The following PNPT1 variants were observed in gnomAD, a reference collection of about 807,000 sequenced individuals.
PNPT1 encodes the protein polyribonucleotide nucleotidyltransferase 1, also known as polyribonucleotide nucleotidyltransferase 1, mitochondrial.
PNPT1 carries 53 observed loss-of-function variants against 119.5 expected under a neutral mutation model. The ratio of observed to expected loss-of-function variants is 0.44; its 90% CI spans 0.36 to 0.56. PNPT1 has a LOEUF of 0.56. Among genes scored for constraint, PNPT1 ranks in the 20% least tolerant of loss-of-function variants. The pLI is 0.00. For synonymous variants in PNPT1, 357 were observed against 322.1 expected (o/e 1.11, Z -1.16); for missense variants, 948 against 938.5 (o/e 1.01, Z -0.13).
intron 14 of PNPT1, 58 bp from the exon 15 acceptor site, chr2:55,660,251 A>C (rs1306658910): frequency 6.7e-7 from 1 of 1,492,712 alleles, no homozygotes; most frequent in Admixed American, 2.2e-5. Context: ...ATTTATTTCA[A>C]AACACAACTA....
At chr2:55,643,053 G>A (rs891147890) in intron 25 of PNPT1, 105 bp downstream of exon 25, 22 of 1,205,500 alleles carry the variant, frequency 1.8e-5, no homozygotes, top group Middle Eastern at 1.9e-4. Flanking sequence ...GTTCAAGGCA[G>A]CTGTGAGGTA....
intron 15 of PNPT1, 28 bp from the exon 16 acceptor site, chr2:55,656,399 A>G: frequency 1.9e-6 from 3 of 1,543,636 alleles, no homozygotes; most frequent in Admixed American, 2.0e-5. Flanking sequence ...ACAAACACAC[A>G]TATACAATTG....
At chr2:55,661,292 C>A in intron 14 of PNPT1, among the ~76,000 whole-genome samples, 1 of 151,710 alleles carries the variant, frequency 6.6e-6, no homozygotes, top group East Asian at 1.9e-4. Flanking sequence ...GGAATTTCAC[C>A]GTTTTAGCCA....
intron 1 of PNPT1, among the ~76,000 whole-genome samples, chr2:55,690,388 C>T (rs1265594943): frequency 1.3e-5 from 2 of 152,188 alleles, no homozygotes; most frequent in African/African-American, 2.4e-5. Context: ...AACTCAGTTT[C>T]GGCAACATTC....
At position 55,644,690 on chromosome 2, in the gene PNPT1, G is replaced by T. The variant is rs759181116; in HGVS notation, c.1853C>A (p.Ala618Glu). ...ATAGCCACCAGGTCCAACAAATTTT[G>T]CTCGTTTTGATAATGGAACCTGAAC... ...ETVQVPLSKR[A>E]KFVGPGGYNL... The change falls in exon 23 of 28, where the codon GCA becomes GAA. Residue 618 changes from alanine to glutamate, a missense_variant. Ala to Glu is a moderately radical substitution (Grantham distance 107). Coordinates refer to ENST00000447944, the MANE Select transcript of PNPT1 (RefSeq NM_033109.5). The T allele has an allele frequency of 6.2e-7, 1 of 1,612,124 alleles. No individual in the cohort carries two copies. Among genetic ancestry groups the T allele is most frequent in the South Asian group, 1.1e-5 (1 of 90,990 alleles).
At chr2:55,676,351 G>C (rs1043069888) in intron 8 of PNPT1, among the ~76,000 whole-genome samples, 3 of 150,390 alleles carry the variant, frequency 2.0e-5, no homozygotes, top group Non-Finnish European at 4.4e-5. Flanking sequence ...ATTAGCTGAA[G>C]CTATAAATTC....
intron 8 of PNPT1, among the ~76,000 whole-genome samples, chr2:55,674,417 G>A (rs1264291124): frequency 6.6e-6 from 1 of 151,978 alleles, no homozygotes; most frequent in Non-Finnish European, 1.5e-5. Context: ...ACATAGCGAG[G>A]TCCTGTCTCT....
In PNPT1 at chr2:55,656,026, G is replaced by C. The variant is rs1480685147; in HGVS notation, c.1441+105C>G. On this transcript the variant is annotated intron_variant, in intron 17 of 27. Coordinates refer to ENST00000447944, the MANE Select transcript of PNPT1 (RefSeq NM_033109.5). ...TACATTTTTCTCTTGCAACAAACTT[G>C]GGTTCTGTAGTAATAAACAAAATGT... The C allele has an allele frequency of 2.9e-6, 4 of 1,370,132 alleles. No homozygotes were observed. The South Asian group carries it at 6.3e-5, about 22-fold the overall frequency. 84.9% of individuals were successfully genotyped at this position (1,370,132 alleles called of 1,614,324 possible). A position where few individuals can be genotyped will look rare whatever the true frequency, so the allele number is the denominator to read the frequency against.
intron 13 of PNPT1, among the ~76,000 whole-genome samples, chr2:55,662,426 C>T (rs1342965710): frequency 2.6e-5 from 4 of 152,156 alleles, no homozygotes; most frequent in African/African-American, 9.7e-5. Context: ...CCTGTAATCC[C>T]AGCACTTTGG....
At chr2:55,674,814 G>A (rs1056400864) in intron 8 of PNPT1, among the ~76,000 whole-genome samples, 8 of 152,264 alleles carry the variant, frequency 5.3e-5, no homozygotes, top group African/African-American at 1.9e-4. Context: ...CAGGCCTGAA[G>A]AAATTTCTTC....
chr2:55,673,742 G>A (rs189415469), intron 8 of PNPT1, among the ~76,000 whole-genome samples: 66 of 152,112 alleles, frequency 4.3e-4, no homozygotes, highest in African/African-American at 1.5e-3. Context: ...CACTGTGCCT[G>A]GCATCTTTTT....
At chr2:55,658,291 A>C (rs555891431) in intron 15 of PNPT1, among the ~76,000 whole-genome samples, 5 of 152,186 alleles carry the variant, frequency 3.3e-5, no homozygotes, top group African/African-American at 1.2e-4. Context: ...ACAAAACTAA[A>C]CTATAGTATC....
At chr2:55,661,828 A>G in intron 14 of PNPT1, 128 bp downstream of exon 14, 3 of 873,812 alleles carry the variant, frequency 3.4e-6, no homozygotes, top group Non-Finnish European at 4.9e-6. Flanking sequence ...ATGATGATGT[A>G]AACAGAAAAA....
chr2:55,690,583 T>C (rs936077033), intron 1 of PNPT1, among the ~76,000 whole-genome samples: 2 of 152,254 alleles, frequency 1.3e-5, no homozygotes, highest in African/African-American at 4.8e-5. Context: ...TATTTATCTA[T>C]TCAGTTAGAC....
chr2:55,661,401 A>G (rs1377141967), intron 14 of PNPT1, among the ~76,000 whole-genome samples: 2 of 152,064 alleles, frequency 1.3e-5, no homozygotes, highest in East Asian at 1.9e-4. Context: ...GGCCTGCAAT[A>G]AAGATTCTTA....
chr2:55,655,943 T>C (rs981867324), intron 17 of PNPT1, among the ~76,000 whole-genome samples, 188 bp downstream of exon 17: 1 of 152,220 alleles, frequency 6.6e-6, no homozygotes. Context: ...TTTATATTGC[T>C]TTCAAAACAA....
intron 11 of PNPT1, among the ~76,000 whole-genome samples, chr2:55,668,686 G>A (rs1326162443): frequency 6.6e-6 from 1 of 151,942 alleles, no homozygotes; most frequent in South Asian, 2.1e-4. Flanking sequence ...CGCAACCATC[G>A]CCTCCTGGGT....
At chr2:55,639,243 TTC>T (rs1315701697) in intron 26 of PNPT1, among the ~76,000 whole-genome samples, 1 of 152,252 alleles carries the variant, frequency 6.6e-6, no homozygotes, top group Admixed American at 6.5e-5. Context: ...TAGTGTATCA[TTC>T]TTTCAACTTC....
chr2:55,638,023 T>G, intron 26 of PNPT1, among the ~76,000 whole-genome samples: 1 of 146,482 alleles, frequency 6.8e-6, no homozygotes, highest in African/African-American at 2.5e-5. Flanking sequence ...AAAAATCAGC[T>G]GGGCATGGTG....
Sources: allele counts gnomAD v4.1 joint callset (sites outside exome capture counted in the v4.1 genomes callset), GRCh38; gene constraint gnomAD v4.1.1; transcripts MANE v1.5; gene names NCBI Gene and HGNC (gene_info 2026-07-23, HGNC 2026-07-21).